Variants in CCDC38 observed in about 807,000 individuals in gnomAD.
CCDC38 encodes coiled-coil domain containing 38, also known as coiled-coil domain-containing protein 38.
Under a neutral mutation model 72.8 loss-of-function variants are expected in CCDC38, and 69 were observed. The ratio of observed to expected loss-of-function variants is 0.95; its 90% CI spans 0.78 to 1.16. The LOEUF (loss-of-function observed/expected upper bound fraction) is 1.16, where lower values mean the gene tolerates loss of function less well. CCDC38 is among the 50% of genes most tolerant of loss of function. The pLI is 0.00. For missense variants in CCDC38, 626 were observed against 638.9 expected, an observed-to-expected ratio of 0.98 and a Z score of 0.22; for synonymous variants, 201 against 213.2, an observed-to-expected ratio of 0.94 and a Z score of 0.50.
At chr12:95,906,318 G>C (rs983249056) in intron 5 of CCDC38, 69 bp downstream of exon 5, 2 of 1,140,490 alleles carry the variant, frequency 1.8e-6, no homozygotes, top group Non-Finnish European at 2.6e-6. Context: ...AAAATGTCAA[G>C]GTAAATATTT....
chr12:95,895,268 A>G (rs1301915363), intron 7 of CCDC38, 122 bp from the exon 8 acceptor site: 16 of 597,396 alleles, frequency 2.7e-5, no homozygotes, highest in Non-Finnish European at 4.0e-5. Context: ...ATCAAAAAGG[A>G]TAAATATGGC....
rs1380057056 is a variant in CCDC38 at position 95,917,189 on chromosome 12, T to A, written c.244A>T (p.Ser82Cys). The A allele has an allele frequency of 6.2e-7, 1 of 1,608,144 alleles. No homozygotes were observed. The highest frequency in any genetic ancestry group is 1.3e-5 in the African/African-American group (1 of 74,572). ...LSQLAFYPKRSGRSFEKFGPG... is the reference protein window; with the variant it reads ...LSQLAFYPKRCGRSFEKFGPG... ...CCAAACTTTTCAAATGACCTACCAC[T>A]CCTTTTAGGGTAGAAAGCTAGTTGG... The change falls in exon 4 of 16, where the codon AGT becomes TGT. Residue 82 changes from serine to cysteine, a missense_variant. By Grantham distance (112) the Ser-to-Cys change is moderately radical (BLOSUM62 -1). Transcript: ENST00000344280.
intron 11 of CCDC38, 143 bp downstream of exon 11, chr12:95,881,342 T>C: frequency 1.9e-6 from 1 of 527,660 alleles, no homozygotes; most frequent in South Asian, 2.1e-5. Context: ...TATATCCAAT[T>C]GGAGAATAGT....
chr12:95,933,501 T>C (rs1173706967), intron 2 of CCDC38: 1 of 152,224 alleles, frequency 6.6e-6, no homozygotes, highest in Non-Finnish European at 1.5e-5. Flanking sequence ...CCCATTTGAT[T>C]GGCAAAGCAT....
At chr12:95,916,640 A>T (rs1753215119) in intron 4 of CCDC38, among the ~76,000 whole-genome samples, 2 of 151,980 alleles carry the variant, frequency 1.3e-5, no homozygotes, top group Non-Finnish European at 2.9e-5. Flanking sequence ...AGTAGTAATG[A>T]TCATCTTATA....
chr12:95,889,332 C>T lies in CCDC38; in HGVS notation c.872-826G>A, dbSNP rs564752209. Among the ~76,000 whole-genome samples the T allele has an allele frequency of 5.3e-5, 8 of 152,160 alleles. 1 individual carries two copies. The highest frequency in any genetic ancestry group is 4.6e-4 in the Admixed American group (7 of 15,284). Reference sequence around the variant, plus strand: ...GTCTGTCTCAGCTTTTAAGCTGGTACCCTAACATGTACTACTAAAAAGTAT... The same window carrying T: ...GTCTGTCTCAGCTTTTAAGCTGGTATCCTAACATGTACTACTAAAAAGTAT... On this transcript the variant is annotated intron_variant, in intron 9 of 15. Transcript: ENST00000344280.
At chr12:95,938,141 G>GA (rs1456257352) in intron 1 of CCDC38, among the ~76,000 whole-genome samples, 1 of 152,010 alleles carries the variant, frequency 6.6e-6, no homozygotes, top group African/African-American at 2.4e-5. Context: ...TTATAAAAGA[G>GA]AAAAAAATGA....
At chr12:95,929,103 C>A (rs1293452963) in intron 2 of CCDC38, among the ~76,000 whole-genome samples, 1 of 152,222 alleles carries the variant, frequency 6.6e-6, no homozygotes, top group Non-Finnish European at 1.5e-5. Context: ...TTTACCTAAG[C>A]AAGCCTGGGC....
intron 5 of CCDC38, among the ~76,000 whole-genome samples, chr12:95,904,158 T>A (rs1225432538): frequency 1.3e-5 from 2 of 152,224 alleles, no homozygotes; most frequent in African/African-American, 4.8e-5. Context: ...TTTATTGGCA[T>A]AAAGTGTTTA....
intron 2 of CCDC38, among the ~76,000 whole-genome samples, chr12:95,921,901 G>C (rs929834243): frequency 6.6e-6 from 1 of 152,104 alleles, no homozygotes; most frequent in Non-Finnish European, 1.5e-5. Flanking sequence ...CAAATCACTA[G>C]AATCATTTTG....
chr12:95,892,583 C>CTT lies in CCDC38; in HGVS notation c.773-1655_773-1654dup, dbSNP rs577335624. Reference sequence around the variant, plus strand: ...TGAGCCACTGTACCTGGCTTAAATTCTTTTTTTTTTTTTTTTTTGAGACAG... The same window carrying CTT: ...TGAGCCACTGTACCTGGCTTAAATTCTTTTTTTTTTTTTTTTTTTTGAGACAG... On this transcript the variant is annotated intron_variant, in intron 8 of 15. Coordinates refer to ENST00000344280, the MANE Select transcript of CCDC38 (RefSeq NM_182496.3). Among the ~76,000 whole-genome samples, 430 of 121,198 alleles carry CTT rather than the reference C, an allele frequency of 3.5e-3. 3 individuals are homozygous for CTT. Among genetic ancestry groups the CTT allele is most frequent in the African/African-American group, 0.012 (405 of 33,574 alleles). 79.5% of individuals were successfully genotyped at this position (121,198 alleles called of 152,430 possible).
intron 4 of CCDC38, among the ~76,000 whole-genome samples, chr12:95,912,203 G>A (rs1467911869): frequency 2.0e-5 from 3 of 152,126 alleles, no homozygotes; most frequent in Non-Finnish European, 4.4e-5. Context: ...AATAGACACT[G>A]AGGCCTCCTA....
intron 9 of CCDC38, chr12:95,888,939 C>A: frequency 6.0e-6 from 1 of 165,318 alleles, no homozygotes; most frequent in Admixed American, 6.7e-5. Flanking sequence ...CCAATAAATA[C>A]ACGGTGAGTA....
intron 1 of CCDC38, 89 bp from the exon 2 acceptor site, chr12:95,936,612 GT>G: frequency 1.0e-6 from 1 of 995,180 alleles, no homozygotes; most frequent in Non-Finnish European, 1.5e-6. Context: ...CTCCTTAACA[GT>G]CCTTATGGCT....
Position 95,895,127 on chromosome 12 carries a change from A to G in CCDC38, c.634T>C (p.Phe212Leu). The change falls in exon 8 of 16, where the codon TTC becomes CTC. Residue 212 changes from phenylalanine to leucine, a missense_variant. By Grantham distance (22) the Phe-to-Leu change is conservative. Coordinates refer to ENST00000344280, the MANE Select transcript of CCDC38 (RefSeq NM_182496.3). ...TATTTCATATACTCCCTGAGGAGGA[A>G]TTCTGTTTTTGCTATTTCACTACTC... The part of the protein sequence containing the change: ...AVKSEIAKTE[F>L]LLREYMKYGF... 2 of 1,607,634 alleles carry G rather than the reference A, an allele frequency of 1.2e-6. No individual in the cohort carries two copies. Among genetic ancestry groups the G allele is most frequent in the Non-Finnish European group, 8.5e-7 (1 of 1,178,032 alleles).
chr12:95,880,375 A>G (rs1370134213), intron 11 of CCDC38, among the ~76,000 whole-genome samples: 3 of 152,120 alleles, frequency 2.0e-5, no homozygotes, highest in Non-Finnish European at 2.9e-5. Flanking sequence ...AAAGAAATTG[A>G]CCGGGTGCGG....
At chr12:95,912,526 A>G (rs1303414092) in intron 4 of CCDC38, among the ~76,000 whole-genome samples, 1 of 152,196 alleles carries the variant, frequency 6.6e-6, no homozygotes, top group African/African-American at 2.4e-5. Flanking sequence ...GACAGCAGGA[A>G]AAAGTTTGAG....
chr12:95,900,891 A>G (rs1303954966), intron 5 of CCDC38, among the ~76,000 whole-genome samples: 1 of 152,218 alleles, frequency 6.6e-6, no homozygotes, highest in African/African-American at 2.4e-5. Context: ...GTTTGGGATT[A>G]TGGCATTTTG....
chr12:95,913,284 G>A (rs562318302), intron 4 of CCDC38, among the ~76,000 whole-genome samples: 2 of 152,190 alleles, frequency 1.3e-5, no homozygotes, highest in South Asian at 4.2e-4. Context: ...GGCAGATTAT[G>A]TTATTGTTCC....
Sources: gnomAD v4.1 joint callset for allele counts (sites outside exome capture counted in the v4.1 genomes callset) on GRCh38, gnomAD v4.1.1 for gene constraint, MANE v1.5 for transcripts, NCBI Gene and HGNC (gene_info 2026-07-23, HGNC 2026-07-21) for gene names.